The following SCAND3 variants were observed in gnomAD, a reference collection of about 807,000 sequenced individuals.
SCAND3 encodes SCAN domain-containing protein 3.
chr6:28,602,940 T>C, the SCAND3 span, among the ~76,000 whole-genome samples: 1 of 148,742 alleles, frequency 6.7e-6, no homozygotes, highest in African/African-American at 2.5e-5. Context: ...TACCCATTTA[T>C]AGCCACCAAA....
chr6:28,602,188 A>G, the SCAND3 span, among the ~76,000 whole-genome samples: 4 of 152,042 alleles, frequency 2.6e-5, no homozygotes, highest in African/African-American at 9.7e-5. Context: ...TGATGATGAT[A>G]ATTCATGACA....
At chr6:28,587,950 C>T in the SCAND3 span, 1 of 152,160 alleles carries the variant, frequency 6.6e-6, no homozygotes, top group Non-Finnish European at 1.5e-5. Context: ...CTGGGTTCCT[C>T]CATACCTCTG....
chr6:28,575,658 A>G, the SCAND3 span: 1 of 1,614,134 alleles, frequency 6.2e-7, no homozygotes, highest in East Asian at 2.2e-5. The surrounding 1 kb of genome is among the most constrained non-coding windows in gnomAD (Gnocchi z 4.2). Flanking sequence ...GGCATGGTTT[A>G]CAGAGGGTCA....
the SCAND3 span, chr6:28,574,811 G>C: frequency 1.2e-6 from 2 of 1,614,076 alleles, no homozygotes; most frequent in Non-Finnish European, 8.5e-7. Context: ...GTCCCATGTT[G>C]AGAGGGCACT....
At chr6:28,572,869 G>T in the SCAND3 span, 3 of 1,613,080 alleles carry the variant, frequency 1.9e-6, no homozygotes, top group African/African-American at 4.0e-5. This position sits in a 1 kb window ranked among gnomAD's most constrained non-coding sequence, Gnocchi z 4.1. Context: ...TTTTTTCATG[G>T]CAAGACTTTC....
At chr6:28,583,220 G>A in the SCAND3 span, among the ~76,000 whole-genome samples, 113 of 151,596 alleles carry the variant, frequency 7.5e-4, no homozygotes, top group Non-Finnish European at 1.5e-3. Flanking sequence ...GTGAAACCTC[G>A]TATCTACTAA....
chr6:28,598,383 T>C, the SCAND3 span, among the ~76,000 whole-genome samples: 1 of 152,194 alleles, frequency 6.6e-6, no homozygotes, highest in South Asian at 2.1e-4. Context: ...TGTTTTGTTT[T>C]GTATTGTTTG....
chr6:28,588,499 G>A, the SCAND3 span, among the ~76,000 whole-genome samples: 2 of 152,210 alleles, frequency 1.3e-5, no homozygotes, highest in South Asian at 4.1e-4. The surrounding 1 kb of genome is among the most constrained non-coding windows in gnomAD (Gnocchi z 4.1). Context: ...TATTTAAAAA[G>A]TCAACGTGGC....
At chr6:28,579,099 T>C in the SCAND3 span, among the ~76,000 whole-genome samples, 5,040 of 152,314 alleles carry the variant, frequency 0.033, 173 homozygotes, top group African/African-American at 0.091. This position sits in a 1 kb window ranked among gnomAD's most constrained non-coding sequence, Gnocchi z 4.5. Context: ...CATTATTATC[T>C]GACTGTTTTA....
the SCAND3 span, chr6:28,573,285 T>C: frequency 6.2e-7 from 1 of 1,614,148 alleles, no homozygotes; most frequent in South Asian, 1.1e-5. Flanking sequence ...CATTGGAAAG[T>C]GGTACCTGAG....
chr6:28,580,619 A>G, the SCAND3 span, among the ~76,000 whole-genome samples: 1 of 152,236 alleles, frequency 6.6e-6, no homozygotes, highest in African/African-American at 2.4e-5. Flanking sequence ...CAATTTGTCT[A>G]AATCTTTGCA....
chr6:28,612,939 A>T, the SCAND3 span, among the ~76,000 whole-genome samples: 1 of 152,216 alleles, frequency 6.6e-6, no homozygotes, highest in South Asian at 2.1e-4. Flanking sequence ...GACAGTCTTT[A>T]AATGAATTTT....
At chr6:28,573,427 C>T in the SCAND3 span, 14 of 1,614,040 alleles carry the variant, frequency 8.7e-6, no homozygotes, top group South Asian at 4.4e-5. Flanking sequence ...ATATGAAGCC[C>T]GCAAAGCACT....
chr6:28,593,379 GT>G, the SCAND3 span, among the ~76,000 whole-genome samples: 35,992 of 147,128 alleles, frequency 0.24, 5,172 homozygotes, highest in African/African-American at 0.42. Context: ...ATTAGAATGA[GT>G]TTTTTTTTTT....
At chr6:28,586,604 T>A in the SCAND3 span, 2 of 1,614,200 alleles carry the variant, frequency 1.2e-6, no homozygotes, top group Admixed American at 1.7e-5. The surrounding 1 kb of genome is among the most constrained non-coding windows in gnomAD (Gnocchi z 4.4). Flanking sequence ...TACGTAGGGC[T>A]GATTCCTGAT....
At chr6:28,589,439 T>C in the SCAND3 span, 2 of 152,166 alleles carry the variant, frequency 1.3e-5, no homozygotes, top group Admixed American at 6.5e-5. Flanking sequence ...AGTTCGAATC[T>C]CGGTGGGACC....
the SCAND3 span, among the ~76,000 whole-genome samples, chr6:28,605,988 G>T: frequency 6.6e-6 from 1 of 152,168 alleles, no homozygotes; most frequent in Non-Finnish European, 1.5e-5. Context: ...CCTGACCCTA[G>T]ACTAGATCCT....
the SCAND3 span, among the ~76,000 whole-genome samples, chr6:28,576,992 A>T: frequency 6.6e-6 from 1 of 151,842 alleles, no homozygotes; most frequent in Non-Finnish European, 1.5e-5. Flanking sequence ...TTTCTCTTTT[A>T]TTCAGTCAGG....
chr6:28,593,538 G>A, the SCAND3 span: 1 of 152,190 alleles, frequency 6.6e-6, no homozygotes, highest in Non-Finnish European at 1.5e-5. Flanking sequence ...AGCCGGGCAT[G>A]GTGGTACGCA....
Sources: allele counts gnomAD v4.1 joint callset (sites outside exome capture counted in the v4.1 genomes callset), GRCh38; gene constraint gnomAD v4.1.1; non-coding constraint Gnocchi (gnomAD v3.1); transcripts MANE v1.5; gene names NCBI Gene and HGNC (gene_info 2026-07-23, HGNC 2026-07-21).